Variants in PIP4K2A observed in about 807,000 individuals in gnomAD.
PIP4K2A encodes the protein phosphatidylinositol 5-phosphate 4-kinase type-2 alpha.
PIP4K2A carries 14 observed loss-of-function variants against 42.9 expected under a neutral mutation model. The observed-to-expected ratio is 0.33, with a 90% CI of 0.22 to 0.51. The LOEUF is 0.51. PIP4K2A is among the 20% of genes least tolerant of loss of function. The probability of loss-of-function intolerance (pLI) is 0.97; values close to 1 mark genes in which losing one functional copy is unlikely to be tolerated. For missense variants in PIP4K2A, 434 were observed against 519.8 expected, an observed-to-expected ratio of 0.83 and a Z score of 1.61; for synonymous variants, 192 against 192.2, an observed-to-expected ratio of 1.00 and a Z score of 0.01.
At chr10:22,605,054 T>C (rs1453882686) in intron 3 of PIP4K2A, among the ~76,000 whole-genome samples, 1 of 152,208 alleles carries the variant, frequency 6.6e-6, no homozygotes, top group African/African-American at 2.4e-5. Flanking sequence ...GATCCTGTTT[T>C]CAGCTGGAAC....
At chr10:22,689,085 T>A (rs192895603) in intron 1 of PIP4K2A, among the ~76,000 whole-genome samples, 3 of 152,282 alleles carry the variant, frequency 2.0e-5, no homozygotes. Context: ...AGCACAAGGG[T>A]GGGTCTGGTG....
chr10:22,642,629 C>A, intron 1 of PIP4K2A, among the ~76,000 whole-genome samples: 1 of 23,808 alleles, frequency 4.2e-5, no homozygotes, highest in Non-Finnish European at 9.8e-5. Flanking sequence ...TACACACACA[C>A]TGATCTGTTT....
chr10:22,670,071 C>A (rs1450497094), intron 1 of PIP4K2A, among the ~76,000 whole-genome samples: 2 of 152,154 alleles, frequency 1.3e-5, no homozygotes, highest in Non-Finnish European at 2.9e-5. Flanking sequence ...ATTTACAACT[C>A]ATTCTGACAA....
intron 1 of PIP4K2A, among the ~76,000 whole-genome samples, chr10:22,700,432 C>T (rs1298422244): frequency 6.6e-6 from 1 of 152,178 alleles, no homozygotes; most frequent in African/African-American, 2.4e-5. Context: ...ACCACCTGAA[C>T]GCTCCTCCAA....
At chr10:22,617,427 A>G (rs1006428437) in intron 1 of PIP4K2A, among the ~76,000 whole-genome samples, 1 of 152,258 alleles carries the variant, frequency 6.6e-6, no homozygotes, top group Non-Finnish European at 1.5e-5. Flanking sequence ...TAAGTCAAGC[A>G]AAGAATATGC....
At chr10:22,538,904 A>G (rs189356636) in intron 9 of PIP4K2A, among the ~76,000 whole-genome samples, 1 of 152,316 alleles carries the variant, frequency 6.6e-6, no homozygotes, top group Admixed American at 6.5e-5. Context: ...TGTGTTTGTT[A>G]GGCTGATTTC....
chr10:22,625,822 G>A (rs546866851), intron 1 of PIP4K2A, among the ~76,000 whole-genome samples: 11 of 152,316 alleles, frequency 7.2e-5, no homozygotes, highest in South Asian at 4.1e-4. Flanking sequence ...TCACATAGAC[G>A]TGGTTTTCGC....
intron 4 of PIP4K2A, among the ~76,000 whole-genome samples, chr10:22,586,675 C>T (rs1457579339): frequency 6.6e-6 from 1 of 152,072 alleles, no homozygotes; most frequent in Non-Finnish European, 1.5e-5. Context: ...GGACTACAGG[C>T]ACGTGCCATC....
At chr10:22,710,758 T>C (rs569691570) in intron 1 of PIP4K2A, among the ~76,000 whole-genome samples, 1 of 152,344 alleles carries the variant, frequency 6.6e-6, no homozygotes, top group Non-Finnish European at 1.5e-5. Flanking sequence ...CAAAAGCCTC[T>C]AACATCAATA....
intron 6 of PIP4K2A, among the ~76,000 whole-genome samples, chr10:22,551,998 T>C (rs1311355682): frequency 6.6e-6 from 1 of 152,236 alleles, no homozygotes; most frequent in Non-Finnish European, 1.5e-5. Context: ...ATTTCTAAAT[T>C]AGTCGCTTTG....
At chr10:22,667,185 T>C (rs368122842) in intron 1 of PIP4K2A, among the ~76,000 whole-genome samples, 5 of 152,346 alleles carry the variant, frequency 3.3e-5, no homozygotes, top group African/African-American at 9.6e-5. Context: ...ACTAACGGTT[T>C]CACATGATGC....
intron 6 of PIP4K2A, among the ~76,000 whole-genome samples, chr10:22,551,530 C>T (rs1319621897): frequency 2.0e-5 from 3 of 152,238 alleles, no homozygotes; most frequent in Non-Finnish European, 4.4e-5. Context: ...GCAGAAAACA[C>T]TGTAGCTTGT....
chr10:22,547,514 G>C (rs1836286416), intron 7 of PIP4K2A, among the ~76,000 whole-genome samples: 1 of 152,180 alleles, frequency 6.6e-6, no homozygotes, highest in African/African-American at 2.4e-5. Context: ...AAGTGACACT[G>C]CATGGGAAGG....
Position 22,620,306 on chromosome 10 carries a change from G to C in PIP4K2A, c.145-10589C>G, listed in dbSNP as rs554406886. Among the ~76,000 whole-genome samples the C allele has an allele frequency of 4.4e-4, 67 of 152,300 alleles. No individual in the cohort carries two copies. In the South Asian group the frequency reaches 0.013, roughly 30 times the overall value. The stretch of plus-strand genomic sequence containing the variant: ...AATTCAGGCCAAAAATTTATAATCT[G>C]GTACAGAGGTAATACTGGCTTTTTT... On this transcript the variant is annotated intron_variant, in intron 1 of 9. Coordinates refer to ENST00000376573, the MANE Select transcript of PIP4K2A (RefSeq NM_005028.5).
intron 1 of PIP4K2A, among the ~76,000 whole-genome samples, chr10:22,637,697 G>C (rs146867349): frequency 1.0e-3 from 156 of 152,300 alleles, no homozygotes; most frequent in African/African-American, 3.5e-3. Flanking sequence ...CCGGCCAAAA[G>C]GCTGCAGCAA....
At position 22,600,363 on chromosome 10, in the gene PIP4K2A, G is replaced by A. The variant is rs75545432; in HGVS notation, c.339+7564C>T. Among the ~76,000 whole-genome samples the A allele has an allele frequency of 3.6e-3, 548 of 152,244 alleles. 1 individual carries two copies. The highest frequency in any genetic ancestry group is 0.011 in the African/African-American group (472 of 41,538). Reference sequence around the variant, plus strand: ...CATGCCAATACCGTGCAGAACTCACGTGACAGCCATCTCCTCACGGTGGCA... The same window carrying A: ...CATGCCAATACCGTGCAGAACTCACATGACAGCCATCTCCTCACGGTGGCA... On this transcript the variant is annotated intron_variant, in intron 3 of 9. Coordinates refer to ENST00000376573, the MANE Select transcript of PIP4K2A (RefSeq NM_005028.5).
At chr10:22,563,461 A>G (rs1025986893) in intron 6 of PIP4K2A, among the ~76,000 whole-genome samples, 5 of 152,252 alleles carry the variant, frequency 3.3e-5, no homozygotes, top group African/African-American at 7.2e-5. Flanking sequence ...GAAACAAATA[A>G]TTTATTTCAC....
At chr10:22,599,022 C>A (rs2913108) in intron 3 of PIP4K2A, among the ~76,000 whole-genome samples, 130,677 of 151,404 alleles carry the variant, frequency 0.86, 56,532 homozygotes, top group East Asian at 0.97. Flanking sequence ...CCCAAAAAAA[C>A]AACAACAGCC....
intron 3 of PIP4K2A, among the ~76,000 whole-genome samples, chr10:22,595,681 T>C (rs1320326327): frequency 6.6e-6 from 1 of 151,820 alleles, no homozygotes; most frequent in East Asian, 2.0e-4. Context: ...TGTTTGAACC[T>C]GGGAGGCAGA....
Sources: allele counts gnomAD v4.1 joint callset (sites outside exome capture counted in the v4.1 genomes callset), GRCh38; gene constraint gnomAD v4.1.1; transcripts MANE v1.5; gene names NCBI Gene and HGNC (gene_info 2026-07-23, HGNC 2026-07-21).